Variants in C1GALT1 observed in about 807,000 individuals in gnomAD.
C1GALT1 encodes glycoprotein-N-acetylgalactosamine 3-beta-galactosyltransferase 1.
A neutral mutation model predicts 31.0 loss-of-function variants in C1GALT1; 11 were observed. The ratio of observed to expected loss-of-function variants is 0.36; its 90% confidence interval spans 0.22 to 0.59. C1GALT1 has a LOEUF of 0.59. C1GALT1 is among the 20% of genes least tolerant of loss of function. The pLI is 0.79. For synonymous variants in C1GALT1, 175 were observed against 143.6 expected (o/e 1.22, Z -1.56); for missense variants, 424 against 425.2 (o/e 1.00, Z 0.03).
intron 2 of C1GALT1, among the ~76,000 whole-genome samples, chr7:7,160,651 G>A (rs1449574828): frequency 6.6e-6 from 1 of 152,106 alleles, no homozygotes; most frequent in African/African-American, 2.4e-5. Flanking sequence ...CAGAAGTAAG[G>A]TTGGTTCCAA....
rs189638673 is a variant in C1GALT1 at position 7,221,643 on chromosome 7, G to C, written c.-17-12660G>C. Among the ~76,000 whole-genome samples the C allele has an allele frequency of 2.1e-4, 32 of 152,344 alleles. No homozygotes were observed. In the East Asian group the frequency reaches 6.0e-3, roughly 28 times the overall value. ...AACTGTAGGATGATCCCACTGGAGT[G>C]ATATATTGCTCAACCTCTTAGGAAT... On this transcript the variant is annotated intron_variant, in intron 1 of 3. Transcript: ENST00000436587.
chr7:7,181,238 C>CGGAAAGGTGGAAGGATATTGA (rs1780579077), upstream of C1GALT1, among the ~76,000 whole-genome samples: 2 of 151,506 alleles, frequency 1.3e-5, no homozygotes, highest in African/African-American at 2.4e-5. Flanking sequence ...AAGGATATTG[C>CGGAAAGGTGGAAGGATATTGA]GGAAAGGTGG....
At chr7:7,191,416 G>A (rs1263498757) in intron 1 of C1GALT1, among the ~76,000 whole-genome samples, 1 of 152,032 alleles carries the variant, frequency 6.6e-6, no homozygotes, top group African/African-American at 2.4e-5. Flanking sequence ...TCACATTTTA[G>A]CTCTTGTGAA....
At chr7:7,222,143 A>G (rs1782537848) in intron 1 of C1GALT1, among the ~76,000 whole-genome samples, 1 of 152,216 alleles carries the variant, frequency 6.6e-6, no homozygotes. Context: ...GCTTACTGCC[A>G]AAAGACCCAA....
chr7:7,190,419 G>T (rs1781016560), intron 1 of C1GALT1, among the ~76,000 whole-genome samples: 2 of 152,094 alleles, frequency 1.3e-5, no homozygotes, highest in African/African-American at 4.8e-5. Context: ...TACCATCAGT[G>T]CGAGAGTGGG....
chr7:7,206,750 T>C (rs1781755814), intron 1 of C1GALT1, among the ~76,000 whole-genome samples: 1 of 144,776 alleles, frequency 6.9e-6, no homozygotes, highest in African/African-American at 2.7e-5. Flanking sequence ...GGATTCATGG[T>C]TGGCATTTTT....
At chr7:7,234,264 T>C in intron 1 of C1GALT1, 39 bp from the exon 2 acceptor site, 2 of 1,489,912 alleles carry the variant, frequency 1.3e-6, no homozygotes, top group Non-Finnish European at 1.9e-6. Context: ...TGTATACAGC[T>C]TTGATTTTAT....
intron 1 of C1GALT1, among the ~76,000 whole-genome samples, chr7:7,222,160 G>C (rs1051547980): frequency 2.0e-5 from 3 of 152,124 alleles, no homozygotes; most frequent in African/African-American, 7.2e-5. Flanking sequence ...CCAACTTAAC[G>C]ATAACTACTA....
intron 1 of C1GALT1, among the ~76,000 whole-genome samples, chr7:7,185,688 C>T (rs1406889897): frequency 2.6e-5 from 4 of 152,214 alleles, no homozygotes; most frequent in Admixed American, 2.6e-4. Flanking sequence ...GATTAAGATC[C>T]ACCCTAATCA....
In C1GALT1 at chr7:7,196,750, G is replaced by A. The variant is rs182444946; in HGVS notation, c.-18+13930G>A. On this transcript the variant is annotated intron_variant, in intron 1 of 3. Transcript: ENST00000436587. ...GTTGTTTCTTGACTTTTTAATGATC[G>A]CCATTCTAACTGGTGTGAAATGGTA... 7.9e-5 allele frequency among the ~76,000 whole-genome samples: 12 copies of A among 152,184 alleles called. No homozygotes were observed. The East Asian group carries it at 1.2e-3, about 15-fold the overall frequency.
intron 1 of C1GALT1, among the ~76,000 whole-genome samples, chr7:7,220,922 C>A (rs938098241): frequency 6.6e-6 from 1 of 152,158 alleles, no homozygotes; most frequent in African/African-American, 2.4e-5. Flanking sequence ...TGCTTTTTAG[C>A]TTTCAATGTT....
intron 2 of C1GALT1, among the ~76,000 whole-genome samples, chr7:7,161,112 C>CA (rs755841231): frequency 1.3e-5 from 2 of 151,996 alleles, no homozygotes; most frequent in Non-Finnish European, 2.9e-5. Context: ...AATGATATGA[C>CA]AGACTAAGAC....
intron 1 of C1GALT1, among the ~76,000 whole-genome samples, chr7:7,198,969 T>G (rs1204261520): frequency 6.6e-6 from 1 of 152,184 alleles, no homozygotes; most frequent in African/African-American, 2.4e-5. Context: ...ATTTTGTTGA[T>G]CTTTTCAAAA....
Position 7,234,650 on chromosome 7 carries a change from AAAT to A in C1GALT1, c.220+115_220+117del, listed in dbSNP as rs1298311574. On this transcript the variant is annotated intron_variant, in intron 2 of 3. Transcript: ENST00000436587. ...ATGGGCTATATATTCCAGATATTAA[AAAT>A]AATTCTTGGTTTGCCTCAAGAGAAG... 4 of 754,072 alleles carry A rather than the reference AAAT, an allele frequency of 5.3e-6. No individual in the cohort carries two copies. In the African/African-American group the frequency reaches 7.1e-5, roughly 13 times the overall value. The allele number at this position is 754,072 out of a possible 1,614,324, so 46.7% of individuals were successfully genotyped here. A position where few individuals can be genotyped will look rare whatever the true frequency, so the allele number is the denominator to read the frequency against.
chr7:7,218,935 G>A (rs893600117), intron 1 of C1GALT1, among the ~76,000 whole-genome samples: 15 of 151,454 alleles, frequency 9.9e-5, no homozygotes, highest in South Asian at 8.3e-4. Context: ...CGCAGTTCAC[G>A]CCATTCTCCT....
intron 2 of C1GALT1, among the ~76,000 whole-genome samples, chr7:7,159,595 A>G (rs1202656144): frequency 1.3e-5 from 2 of 152,090 alleles, no homozygotes; most frequent in Non-Finnish European, 2.9e-5. Flanking sequence ...CCAGAGGCTC[A>G]ATAGAAACAG....
intron 2 of C1GALT1, among the ~76,000 whole-genome samples, chr7:7,171,935 G>A (rs1780457991): frequency 6.6e-6 from 1 of 151,978 alleles, no homozygotes; most frequent in Non-Finnish European, 1.5e-5. Flanking sequence ...TCCCCAACAG[G>A]AGATTTATTA....
chr7:7,222,359 C>T (rs1782547072), intron 1 of C1GALT1, among the ~76,000 whole-genome samples: 1 of 152,144 alleles, frequency 6.6e-6, no homozygotes, highest in Non-Finnish European at 1.5e-5. Flanking sequence ...GATTGAGAGA[C>T]TTCGTCCAGG....
intron 2 of C1GALT1, among the ~76,000 whole-genome samples, chr7:7,166,089 A>G (rs1780390021): frequency 6.6e-6 from 1 of 152,154 alleles, no homozygotes; most frequent in Non-Finnish European, 1.5e-5. Context: ...ACGTTCTCTC[A>G]TTTACTGATA....
Sources: gnomAD v4.1 joint callset for allele counts (sites outside exome capture counted in the v4.1 genomes callset) on GRCh38, gnomAD v4.1.1 for gene constraint, MANE v1.5 for transcripts, NCBI Gene and HGNC (gene_info 2026-07-23, HGNC 2026-07-21) for gene names.